The following UBE2D2 variants were observed in gnomAD, a reference collection of about 807,000 sequenced individuals.
UBE2D2 encodes ubiquitin conjugating enzyme E2 D2, also known as ubiquitin-conjugating enzyme E2 D2.
UBE2D2 carries 2 observed loss-of-function variants against 24.2 expected under a neutral mutation model. The observed-to-expected ratio is 0.08, with a 90% CI of 0.03 to 0.26. The LOEUF (loss-of-function observed/expected upper bound fraction) is 0.26, where lower values mean the gene tolerates loss of function less well. Ranked by LOEUF, UBE2D2 falls within the 10% of genes least tolerant of loss-of-function variation. The pLI is 1.00. For missense variants in UBE2D2, 44 were observed against 177.6 expected, an observed-to-expected ratio of 0.25 and a Z score of 4.28; for synonymous variants, 58 against 56.5, an observed-to-expected ratio of 1.03 and a Z score of -0.12.
At chr5:139,548,163 CAAAA>C (rs749269739) in intron 1 of UBE2D2, among the ~76,000 whole-genome samples, 2 of 32,964 alleles carry the variant, frequency 6.1e-5, no homozygotes, top group East Asian at 3.4e-3. Flanking sequence ...GACTCCGTCT[CAAAA>C]AAAAAAAAAA....
intron 1 of UBE2D2, among the ~76,000 whole-genome samples, chr5:139,529,993 C>T (rs1004296452): frequency 6.6e-6 from 1 of 152,146 alleles, no homozygotes; most frequent in African/African-American, 2.4e-5. Context: ...CCCAAAAGAA[C>T]CACCCTGACA....
chr5:139,552,745 C>T (rs1188267000), intron 1 of UBE2D2, among the ~76,000 whole-genome samples: 2 of 146,968 alleles, frequency 1.4e-5, no homozygotes, highest in Admixed American at 6.9e-5. Context: ...TGCAATGGCA[C>T]GATCTTGGCT....
At chr5:139,587,419 G>A (rs771217448) in intron 1 of UBE2D2, among the ~76,000 whole-genome samples, 1 of 152,110 alleles carries the variant, frequency 6.6e-6, no homozygotes, top group Non-Finnish European at 1.5e-5. Context: ...GGTGGCTCAC[G>A]CCTGTATTCC....
intron 5 of UBE2D2, among the ~76,000 whole-genome samples, chr5:139,618,467 G>C (rs1754459208): frequency 6.6e-6 from 1 of 152,150 alleles, no homozygotes; most frequent in Non-Finnish European, 1.5e-5. Flanking sequence ...AGCTACTTGA[G>C]AAAGTGTTTG....
chr5:139,562,520 A>C, intron 1 of UBE2D2: 1 of 1,105,918 alleles, frequency 9.0e-7, no homozygotes, highest in Non-Finnish European at 1.2e-6. Flanking sequence ...CTAATAGAAA[A>C]GCTGTACATT....
chr5:139,536,208 T>C (rs1406420626), intron 1 of UBE2D2, among the ~76,000 whole-genome samples: 1 of 152,172 alleles, frequency 6.6e-6, no homozygotes, highest in Non-Finnish European at 1.5e-5. Flanking sequence ...CCAGCAGTTC[T>C]CCTGCCTCAG....
chr5:139,561,488 G>A lies in UBE2D2; in HGVS notation c.-304G>A, dbSNP rs982764004. 2.7e-6 allele frequency: 1 copy of A among 365,334 alleles called. No individual in the cohort carries two copies. Among genetic ancestry groups the A allele is most frequent in the African/African-American group, 2.1e-5 (1 of 47,466 alleles). The allele number at this position is 365,334 out of a possible 1,614,324, so 22.6% of individuals were successfully genotyped here. A position where few individuals can be genotyped will look rare whatever the true frequency, so the allele number is the denominator to read the frequency against. ...CTTTTGCTTTCTGGCGGAGGGATCT[G>A]CGGCGGTTTAGGAGGCGGCGCTGAT... On this transcript the variant is annotated 5_prime_UTR_variant, in exon 1 of 7. Coordinates refer to ENST00000398733, the MANE Select transcript of UBE2D2 (RefSeq NM_003339.3).
chr5:139,589,869 C>T (rs1279695784), intron 1 of UBE2D2, among the ~76,000 whole-genome samples: 1 of 151,982 alleles, frequency 6.6e-6, no homozygotes, highest in Non-Finnish European at 1.5e-5. Context: ...ACTGCAAACT[C>T]CGCCTCCTGG....
intron 1 of UBE2D2, chr5:139,562,067 G>A: frequency 2.4e-6 from 2 of 849,364 alleles, no homozygotes; most frequent in South Asian, 1.9e-5. Flanking sequence ...CCCGCATGGT[G>A]TGGACTCTTA....
chr5:139,547,984 C>G (rs904053390), intron 1 of UBE2D2, among the ~76,000 whole-genome samples: 2 of 151,586 alleles, frequency 1.3e-5, no homozygotes, highest in Non-Finnish European at 2.9e-5. Context: ...CGTGAGCCAC[C>G]GAGCCTGGCC....
At position 139,548,193 on chromosome 5, in the gene UBE2D2, A is replaced by AAAAAAAAAAAAAATAAAT; in HGVS notation, c.-64+21584_-64+21585insAAAAAAAAAATAAATAAA. Among the ~76,000 whole-genome samples the AAAAAAAAAAAAAATAAAT allele has an allele frequency of 4.5e-3, 212 of 46,960 alleles. 11 individuals carry two copies. Among genetic ancestry groups the AAAAAAAAAAAAAATAAAT allele is most frequent in the Non-Finnish European group, 6.0e-3 (157 of 26,262 alleles). The allele number at this position is 46,960 out of a possible 152,430, so 30.8% of individuals were successfully genotyped here. A position where few individuals can be genotyped will look rare whatever the true frequency, so the allele number is the denominator to read the frequency against. ...AAAAAAAAAAAAAAAATAAAAAAAA[A>AAAAAAAAAAAAAATAAAT]AAATAAATAAATAAATAAATAAACG... On this transcript the variant is annotated intron_variant, in intron 1 of 6. Coordinates refer to the UBE2D2 transcript ENST00000511725.
intron 1 of UBE2D2, among the ~76,000 whole-genome samples, chr5:139,598,882 G>A (rs967587137): frequency 6.8e-6 from 1 of 146,348 alleles, no homozygotes; most frequent in African/African-American, 2.5e-5. Flanking sequence ...CTCTATGGTG[G>A]CTTTTATTAC....
chr5:139,588,059 G>A (rs1006892151), intron 1 of UBE2D2, among the ~76,000 whole-genome samples: 1 of 152,070 alleles, frequency 6.6e-6, no homozygotes, highest in Non-Finnish European at 1.5e-5. Context: ...CAACTCCTGG[G>A]CACAAGTGAT....
At chr5:139,560,401 T>C (rs751244995), upstream of UBE2D2, among the ~76,000 whole-genome samples, 4 of 152,130 alleles carry the variant, frequency 2.6e-5, no homozygotes, top group Non-Finnish European at 5.9e-5. Context: ...TTTCACTGTG[T>C]TGGCCAGGCT....
At chr5:139,543,601 T>C (rs1331277998) in intron 1 of UBE2D2, among the ~76,000 whole-genome samples, 1 of 152,220 alleles carries the variant, frequency 6.6e-6, no homozygotes, top group African/African-American at 2.4e-5. Context: ...GGGAGGGGCC[T>C]GGCTGCAGAG....
At chr5:139,555,995 G>A (rs34255404) in intron 1 of UBE2D2, among the ~76,000 whole-genome samples, 8,869 of 149,002 alleles carry the variant, frequency 0.06, 297 homozygotes, top group South Asian at 0.11. Context: ...CCAGCACTTC[G>A]GGAGGCTGAG....
rs551790743 is a variant in UBE2D2, at chr5:139,577,507, G to A, written c.24+15692G>A. The stretch of plus-strand genomic sequence containing the variant: ...CGGCTCACTGCAATCTCCGCCTCCC[G>A]GGTTCAAGCAATTCTCCTCTCACAT... On this transcript the variant is annotated intron_variant, in intron 1 of 6. Coordinates refer to ENST00000398733, the MANE Select transcript of UBE2D2 (RefSeq NM_003339.3). 7.5e-5 allele frequency among the ~76,000 whole-genome samples: 11 copies of A among 147,202 alleles called. No homozygotes were observed. The East Asian group carries it at 1.0e-3, about 14-fold the overall frequency.
chr5:139,598,659 C>G (rs761060273), intron 1 of UBE2D2, among the ~76,000 whole-genome samples: 13 of 141,582 alleles, frequency 9.2e-5, no homozygotes, highest in Non-Finnish European at 1.9e-4. Flanking sequence ...TTCCTGGGTT[C>G]AAGCATTACT....
chr5:139,556,543 T>C (rs1165660152), upstream of UBE2D2, among the ~76,000 whole-genome samples: 4 of 152,162 alleles, frequency 2.6e-5, no homozygotes, highest in African/African-American at 9.7e-5. Context: ...AATTTTGTTC[T>C]TTAGGAGAAT....
Sources: gnomAD v4.1 joint callset for allele counts (sites outside exome capture counted in the v4.1 genomes callset) on GRCh38, gnomAD v4.1.1 for gene constraint, MANE v1.5 for transcripts, NCBI Gene and HGNC (gene_info 2026-07-23, HGNC 2026-07-21) for gene names.